C2orf66: variants seen among roughly 807,000 people sequenced by gnomAD.
C2orf66 encodes uncharacterized protein C2orf66.
C2orf66 carries 6 observed loss-of-function variants against 7.0 expected under a neutral mutation model. That is an observed-to-expected ratio of 0.86 (90% CI 0.47 to 1.69). C2orf66 has a LOEUF of 1.69. Ranked by LOEUF, C2orf66 falls within the 40% of genes most tolerant of loss-of-function variation. The pLI is 0.01. For synonymous variants in C2orf66, 38 were observed against 43.8 expected (o/e 0.87, Z 0.52); for missense variants, 107 against 112.0 (o/e 0.96, Z 0.20).
the C2orf66 span, among the ~76,000 whole-genome samples, chr2:196,823,360 T>C: frequency 6.6e-6 from 1 of 152,112 alleles, no homozygotes; most frequent in Non-Finnish European, 1.5e-5. Flanking sequence ...TAGTGGCTCA[T>C]GTCTGTAATC....
chr2:196,810,151 C>A, upstream of C2orf66: 1 of 152,162 alleles, frequency 6.6e-6, no homozygotes, highest in South Asian at 2.1e-4. Context: ...CCTTGAACCA[C>A]GAACATTTTA....
chr2:196,808,053 G>A (rs967707282), intron 1 of C2orf66, among the ~76,000 whole-genome samples: 2 of 152,284 alleles, frequency 1.3e-5, no homozygotes, highest in Admixed American at 1.3e-4. Flanking sequence ...GAAGATGTGC[G>A]AAGTGCTACT....
chr2:196,818,919 C>T, the C2orf66 span, among the ~76,000 whole-genome samples: 1 of 152,230 alleles, frequency 6.6e-6, no homozygotes, highest in African/African-American at 2.4e-5. Flanking sequence ...ACATCTCCTT[C>T]TCATGGTATC....
upstream of C2orf66, among the ~76,000 whole-genome samples, chr2:196,812,322 C>T (rs1008958679): frequency 6.6e-6 from 1 of 152,128 alleles, no homozygotes; most frequent in African/African-American, 2.4e-5. Context: ...GAACCAATGA[C>T]AAAAACCACA....
chr2:196,818,037 C>T, the C2orf66 span, among the ~76,000 whole-genome samples: 1 of 152,176 alleles, frequency 6.6e-6, no homozygotes, highest in South Asian at 2.1e-4. Flanking sequence ...ACATCCTCAG[C>T]TTACGAAGAT....
At chr2:196,813,609 A>G (rs895729707), upstream of C2orf66, among the ~76,000 whole-genome samples, 5 of 152,262 alleles carry the variant, frequency 3.3e-5, no homozygotes, top group African/African-American at 1.2e-4. Context: ...GCTTCTGCAC[A>G]GCAAAAGAAA....
At chr2:196,815,080 C>T in the C2orf66 span, among the ~76,000 whole-genome samples, 1 of 152,104 alleles carries the variant, frequency 6.6e-6, no homozygotes, top group Admixed American at 6.5e-5. Context: ...TCCTTCCACC[C>T]TAGCCTCCCG....
the C2orf66 span, among the ~76,000 whole-genome samples, chr2:196,816,132 G>C: frequency 6.6e-6 from 1 of 152,188 alleles, no homozygotes; most frequent in Non-Finnish European, 1.5e-5. Flanking sequence ...CAGAAGCAAA[G>C]AGCTGTGGGT....
chr2:196,821,567 G>A, the C2orf66 span, among the ~76,000 whole-genome samples: 3 of 152,082 alleles, frequency 2.0e-5, no homozygotes, highest in Non-Finnish European at 2.9e-5. Flanking sequence ...ATGAACCTGG[G>A]ATTTTACATA....
the C2orf66 span, among the ~76,000 whole-genome samples, chr2:196,820,293 C>A: frequency 6.6e-6 from 1 of 152,032 alleles, no homozygotes; most frequent in African/African-American, 2.4e-5. Context: ...AACTTCGGGC[C>A]CTATTTGGTG....
chr2:196,810,196 A>G (rs1699861288), upstream of C2orf66: 1 of 152,220 alleles, frequency 6.6e-6, no homozygotes, highest in Admixed American at 6.5e-5. Flanking sequence ...GCACTTCCAC[A>G]CAGCAAAGTG....
chr2:196,831,511 T>C, the C2orf66 span, among the ~76,000 whole-genome samples: 1 of 152,086 alleles, frequency 6.6e-6, no homozygotes, highest in African/African-American at 2.4e-5. Flanking sequence ...TCAGGTGGGA[T>C]GTATCTCCTC....
At chr2:196,820,971 G>C in the C2orf66 span, among the ~76,000 whole-genome samples, 1 of 152,178 alleles carries the variant, frequency 6.6e-6, no homozygotes, top group East Asian at 1.9e-4. Context: ...CTTGAGATGA[G>C]ACTATCCTGA....
chr2:196,821,928 C>CTTTTTTTTTTTTT, the C2orf66 span, among the ~76,000 whole-genome samples: 1 of 32,276 alleles, frequency 3.1e-5, no homozygotes, highest in Non-Finnish European at 5.3e-5. Context: ...AACCAGTGAG[C>CTTTTTTTTTTTTT]TTTTTTTTTT....
rs184020052 is a variant in C2orf66, at chr2:196,808,846, T to A, written c.123+368A>T. ...AGTTATATGATAACTTGTTTTATCATCAGTTCAATCTAAGCTATGCACGAG... is the reference window on the plus strand; with the variant it reads ...AGTTATATGATAACTTGTTTTATCAACAGTTCAATCTAAGCTATGCACGAG... On this transcript the variant is annotated intron_variant, in intron 1 of 2. Transcript: ENST00000342506. 5.3e-5 allele frequency among the ~76,000 whole-genome samples: 8 copies of A among 152,322 alleles called. No homozygotes were observed. The East Asian group carries it at 1.2e-3, about 22-fold the overall frequency.
the C2orf66 span, among the ~76,000 whole-genome samples, chr2:196,815,036 C>T: frequency 6.6e-6 from 1 of 152,156 alleles, no homozygotes; most frequent in Non-Finnish European, 1.5e-5. Context: ...ACAATCACAG[C>T]TCACTGCAGC....
At chr2:196,808,043 G>C (rs1337409070) in intron 1 of C2orf66, among the ~76,000 whole-genome samples, 3 of 152,196 alleles carry the variant, frequency 2.0e-5, no homozygotes, top group African/African-American at 7.2e-5. Context: ...AATGAACACA[G>C]AAGATGTGCG....
chr2:196,812,874 G>A (rs1699889641), upstream of C2orf66, among the ~76,000 whole-genome samples: 1 of 152,070 alleles, frequency 6.6e-6, no homozygotes, highest in South Asian at 2.1e-4. Context: ...AACTTATAAG[G>A]GATATGAAGG....
upstream of C2orf66, among the ~76,000 whole-genome samples, chr2:196,812,202 C>T (rs1245536877): frequency 6.6e-6 from 1 of 152,130 alleles, no homozygotes; most frequent in African/African-American, 2.4e-5. Flanking sequence ...TGTATTACAT[C>T]ACTCTCTTTA....
Sources: gnomAD v4.1 joint callset for allele counts (sites outside exome capture counted in the v4.1 genomes callset) on GRCh38, gnomAD v4.1.1 for gene constraint, MANE v1.5 for transcripts, NCBI Gene and HGNC (gene_info 2026-07-23, HGNC 2026-07-21) for gene names.